ADD1: variants seen among roughly 807,000 people sequenced by gnomAD.
ADD1 encodes the protein adducin 1.
Under a neutral mutation model 80.5 loss-of-function variants are expected in ADD1, and 24 were observed. That is an observed-to-expected ratio of 0.30 (90% CI 0.22 to 0.42). The LOEUF (loss-of-function observed/expected upper bound fraction) is 0.42. Among genes scored for constraint, ADD1 ranks in the 10% least tolerant of loss-of-function variants. The pLI is 1.00. For synonymous variants in ADD1, 373 were observed against 393.8 expected, an observed-to-expected ratio of 0.95 and a Z score of 0.63; for missense variants, 948 against 1,019.0, an observed-to-expected ratio of 0.93 and a Z score of 0.95.
intron 9 of ADD1, chr4:2,902,801 TG>T (rs1560219607): frequency 6.6e-6 from 1 of 151,766 alleles, no homozygotes; most frequent in Non-Finnish European, 1.5e-5. Context: ...CTGAGGCAGG[TG>T]GGTCATGAGG....
At chr4:2,864,299 G>T (rs946576010) in intron 1 of ADD1, among the ~76,000 whole-genome samples, 1 of 152,178 alleles carries the variant, frequency 6.6e-6, no homozygotes, top group Non-Finnish European at 1.5e-5. Context: ...CGTAGTCCCA[G>T]CTGTTCGGGA....
At chr4:2,876,208 C>A (rs939543722) in intron 2 of ADD1, 98 bp downstream of exon 2, 30 of 1,207,080 alleles carry the variant, frequency 2.5e-5, no homozygotes, top group African/African-American at 3.1e-5. Flanking sequence ...GTTCATTGAT[C>A]TTATCACAGG....
chr4:2,908,768 G>A (rs35987080), intron 12 of ADD1, 164 bp downstream of exon 12: 4 of 652,072 alleles, frequency 6.1e-6, no homozygotes, highest in Admixed American at 5.3e-5. Context: ...GGCACTTTTC[G>A]TTGAGTTCTA....
intron 6 of ADD1, among the ~76,000 whole-genome samples, chr4:2,896,335 A>G (rs906253986): frequency 3.3e-5 from 5 of 151,940 alleles, no homozygotes; most frequent in African/African-American, 7.3e-5. Context: ...CAGCCTCCCA[A>G]GTAGCTGGGA....
chr4:2,901,142 G>C (rs1254931843), intron 9 of ADD1: 1 of 152,510 alleles, frequency 6.6e-6, no homozygotes, highest in African/African-American at 2.4e-5. Context: ...GAAAGCTTGA[G>C]AGTGGGGCAG....
intron 1 of ADD1, among the ~76,000 whole-genome samples, chr4:2,858,257 C>T (rs946514136): frequency 6.6e-6 from 1 of 152,180 alleles, no homozygotes; most frequent in East Asian, 1.9e-4. Flanking sequence ...GCTATTGCTG[C>T]TACTGCTAAT....
chr4:2,889,744 C>G (rs1032627715), intron 4 of ADD1, among the ~76,000 whole-genome samples: 2 of 152,118 alleles, frequency 1.3e-5, no homozygotes, highest in African/African-American at 4.8e-5. Context: ...ATTGCTTGAA[C>G]CCTAGAGGCA....
At chr4:2,866,817 T>C (rs2108848283) in intron 1 of ADD1, among the ~76,000 whole-genome samples, 1 of 152,282 alleles carries the variant, frequency 6.6e-6, no homozygotes, top group Middle Eastern at 3.4e-3. Flanking sequence ...ACACCTGTAA[T>C]CCCAATACTT....
chr4:2,908,007 G>A (rs1352232087), intron 11 of ADD1, among the ~76,000 whole-genome samples, 163 bp downstream of exon 11: 4 of 152,226 alleles, frequency 2.6e-5, no homozygotes, highest in Non-Finnish European at 5.9e-5. Flanking sequence ...TCTACCACCA[G>A]TGTGAAGTAT....
At chr4:2,881,745 G>A (rs1732382969) in intron 2 of ADD1, 153 bp from the exon 3 acceptor site, 1 of 515,070 alleles carries the variant, frequency 1.9e-6, no homozygotes, top group East Asian at 3.3e-5. Context: ...GAATGTACCA[G>A]TTTATATTCT....
intron 8 of ADD1, chr4:2,898,979 T>TA (rs1428637672): frequency 2.1e-5 from 9 of 432,046 alleles, no homozygotes; most frequent in Non-Finnish European, 3.3e-5. Flanking sequence ...CTTCTTGACT[T>TA]ATGTCTGTGG....
intron 14 of ADD1, among the ~76,000 whole-genome samples, chr4:2,922,280 C>T (rs774829642): frequency 2.0e-5 from 3 of 152,160 alleles, no homozygotes; most frequent in African/African-American, 7.2e-5. Flanking sequence ...GATTTATCTA[C>T]GTTTGGTCCT....
At chr4:2,897,294 T>G (rs2109020204) in intron 6 of ADD1, among the ~76,000 whole-genome samples, 1 of 152,052 alleles carries the variant, frequency 6.6e-6, no homozygotes, top group African/African-American at 2.4e-5. Context: ...GAGGCCACTC[T>G]GGGGAATTTT....
Position 2,894,727 on chromosome 4 carries a change from C to T in ADD1, c.737C>T (p.Ala246Val). ...CVVHIHTPAGAAVSAMKCGLL... is the reference protein window; with the variant it reads ...CVVHIHTPAGVAVSAMKCGLL... ...GTGCACATTCACACCCCAGCAGGGG[C>T]TGCGGTGAGTGGCTGCCCTGGTAGC... The change falls in exon 6 of 16, where the codon GCT becomes GTT. Residue 246 changes from alanine (A) to valine (V), a missense_variant. Ala to Val is a moderately conservative substitution (Grantham distance 64). Coordinates refer to ENST00000683351, the MANE Select transcript of ADD1 (RefSeq NM_001354761.2). The T allele has an allele frequency of 6.3e-7, 1 of 1,597,126 alleles. No individual in the cohort carries two copies. Among genetic ancestry groups the T allele is most frequent in the Admixed American group, 1.8e-5 (1 of 54,682 alleles).
intron 2 of ADD1, chr4:2,881,501 GT>G (rs1732330955): frequency 6.4e-6 from 1 of 157,334 alleles, no homozygotes; most frequent in Non-Finnish European, 1.4e-5. Flanking sequence ...TGCCATTTAA[GT>G]TTTTTTAGCT....
Position 2,852,278 on chromosome 4 carries a change from C to T in ADD1, c.-21+8254C>T, listed in dbSNP as rs1195422051. ...CTTTCTTTCCTTCCTTCCTTCCTTC[C>T]TTCTTTTCTTTTCTTTTCTTTTCTT... On this transcript the variant is annotated intron_variant, in intron 1 of 15. Transcript: ENST00000683351. Among the ~76,000 whole-genome samples, 49 of 111,324 alleles carry T rather than the reference C, an allele frequency of 4.4e-4. 1 individual carries two copies. Among genetic ancestry groups the T allele is most frequent in the African/African-American group, 5.9e-4 (17 of 28,574 alleles). 73.0% of individuals were successfully genotyped at this position (111,324 alleles called of 152,430 possible).
intron 1 of ADD1, among the ~76,000 whole-genome samples, chr4:2,845,183 C>T (rs1391963935): frequency 6.6e-6 from 1 of 152,160 alleles, no homozygotes; most frequent in Non-Finnish European, 1.5e-5. Flanking sequence ...AGCAATTCTC[C>T]TACCTCAGCC....
chr4:2,884,812 A>G, intron 4 of ADD1, 146 bp downstream of exon 4: 1 of 1,002,652 alleles, frequency 1.0e-6, no homozygotes, highest in South Asian at 2.4e-5. Context: ...ACAGAGTGTA[A>G]TAACCTGAGA....
rs752868581 is a variant in ADD1 at position 2,881,072 on chromosome 4, CTTTTTT to C, written c.196-808_196-803del. Among the ~76,000 whole-genome samples the C allele has an allele frequency of 6.6e-3, 592 of 89,364 alleles. 2 individuals are homozygous for C. The highest frequency in any genetic ancestry group is 0.051 in the Middle Eastern group (4 of 78). 58.6% of individuals were successfully genotyped at this position (89,364 alleles called of 152,430 possible). On this transcript the variant is annotated intron_variant, in intron 2 of 15. Coordinates refer to ENST00000683351, the MANE Select transcript of ADD1 (RefSeq NM_001354761.2). Reference sequence around the variant, plus strand: ...TACAATGAACATTTTGATGTATTTACTTTTTTTTTTTTTTTTTTTTTTTGAGACAAA... The same window carrying C: ...TACAATGAACATTTTGATGTATTTACTTTTTTTTTTTTTTTTTGAGACAAA...
Sources: gnomAD v4.1 joint callset for allele counts (sites outside exome capture counted in the v4.1 genomes callset) on GRCh38, gnomAD v4.1.1 for gene constraint, MANE v1.5 for transcripts, NCBI Gene and HGNC (gene_info 2026-07-23, HGNC 2026-07-21) for gene names.